DENND1A: variants seen among roughly 807,000 people sequenced by gnomAD.
DENND1A encodes DENN domain-containing protein 1A.
In DENND1A, 51 loss-of-function variants were observed where a neutral mutation model predicts 113.7. The observed-to-expected ratio is 0.45, with a 90% CI of 0.36 to 0.57. The LOEUF (loss-of-function observed/expected upper bound fraction) is 0.57. Ranked by LOEUF, DENND1A falls within the 20% of genes least tolerant of loss-of-function variation. The pLI is 0.00. For synonymous variants in DENND1A, 565 were observed against 570.8 expected, an observed-to-expected ratio of 0.99 and a Z score of 0.14; for missense variants, 1,258 against 1,395.9, an observed-to-expected ratio of 0.90 and a Z score of 1.57.
At chr9:123,836,977 A>G (rs1377742927) in intron 2 of DENND1A, among the ~76,000 whole-genome samples, 1 of 152,222 alleles carries the variant, frequency 6.6e-6, no homozygotes, top group East Asian at 1.9e-4. Context: ...TACTACGAGG[A>G]AAGTACTCTG....
chr9:123,773,659 C>CT (rs1236202079), intron 3 of DENND1A, among the ~76,000 whole-genome samples: 1 of 152,144 alleles, frequency 6.6e-6, no homozygotes, highest in Admixed American at 6.6e-5. Flanking sequence ...ATGTCAAATA[C>CT]TTTGTTTTCA....
chr9:123,897,189 G>C (rs1463967840), intron 1 of DENND1A, among the ~76,000 whole-genome samples: 1 of 152,222 alleles, frequency 6.6e-6, no homozygotes, highest in Non-Finnish European at 1.5e-5. Flanking sequence ...GAGGAACCTA[G>C]AAAGTAGAGT....
At chr9:123,740,899 T>TGAGACAGAGAGA (rs1554727813) in intron 5 of DENND1A, among the ~76,000 whole-genome samples, 1 of 108,870 alleles carries the variant, frequency 9.2e-6, no homozygotes, top group Non-Finnish European at 1.8e-5. Context: ...GAAGGGAAAG[T>TGAGACAGAGAGA]GAGAGAGAGA....
chr9:123,782,257 T>C (rs1831434562), intron 3 of DENND1A, among the ~76,000 whole-genome samples: 1 of 152,152 alleles, frequency 6.6e-6, no homozygotes, highest in African/African-American at 2.4e-5. Context: ...AAGAGTGCTC[T>C]GATAAAAAAT....
intron 2 of DENND1A, among the ~76,000 whole-genome samples, chr9:123,799,220 G>A (rs1465368862): frequency 1.3e-5 from 2 of 152,124 alleles, no homozygotes; most frequent in Admixed American, 6.6e-5. Context: ...CACTGTGACA[G>A]GCATTTTAGA....
chr9:123,663,596 G>A (rs2063350932), intron 8 of DENND1A, among the ~76,000 whole-genome samples: 1 of 151,696 alleles, frequency 6.6e-6, no homozygotes, highest in African/African-American at 2.4e-5. Context: ...CTAGAGAAAG[G>A]TTTCATCAAA....
chr9:123,637,923 A>ACACACACACG (rs2061793197), intron 9 of DENND1A, among the ~76,000 whole-genome samples: 2 of 111,040 alleles, frequency 1.8e-5, no homozygotes, highest in Non-Finnish European at 3.6e-5. Flanking sequence ...ACACACACAC[A>ACACACACACG]CACACACACG....
chr9:123,458,147 C>T (rs1391017020), intron 13 of DENND1A, among the ~76,000 whole-genome samples: 1 of 151,734 alleles, frequency 6.6e-6, no homozygotes, highest in Non-Finnish European at 1.5e-5. Flanking sequence ...ATTACAGCTG[C>T]CCCCCACCAC....
At chr9:123,650,906 C>CAAAAAA (rs76905879) in intron 9 of DENND1A, among the ~76,000 whole-genome samples, 6 of 35,666 alleles carry the variant, frequency 1.7e-4, no homozygotes, top group Admixed American at 3.2e-4. Flanking sequence ...GACTCTGTCT[C>CAAAAAA]AAAAAAAAAA....
intron 13 of DENND1A, among the ~76,000 whole-genome samples, chr9:123,513,708 T>A (rs981428822): frequency 6.6e-6 from 1 of 152,230 alleles, no homozygotes; most frequent in Non-Finnish European, 1.5e-5. Context: ...TTGCTCTTGA[T>A]GACTGACAGG....
chr9:123,749,737 G>A (rs1237642764), intron 5 of DENND1A, among the ~76,000 whole-genome samples: 2 of 152,112 alleles, frequency 1.3e-5, no homozygotes, highest in African/African-American at 4.8e-5. Flanking sequence ...CAAGATGATT[G>A]AAGAATGCGG....
At chr9:123,888,646 T>C (rs2133728923) in intron 1 of DENND1A, among the ~76,000 whole-genome samples, 1 of 152,330 alleles carries the variant, frequency 6.6e-6, no homozygotes, top group South Asian at 2.1e-4. Flanking sequence ...AGAAAATATC[T>C]GGCCTTAATC....
chr9:123,520,093 G>A (rs1431083711), intron 13 of DENND1A, among the ~76,000 whole-genome samples: 3 of 138,456 alleles, frequency 2.2e-5, no homozygotes. Context: ...TCATGAGGCT[G>A]CAGTTTTGAC....
intron 2 of DENND1A, among the ~76,000 whole-genome samples, chr9:123,800,498 C>T (rs957440660): frequency 5.9e-5 from 9 of 152,178 alleles, no homozygotes; most frequent in African/African-American, 1.9e-4. Flanking sequence ...TGGGATTCAG[C>T]CTGAATCCAT....
intron 5 of DENND1A, among the ~76,000 whole-genome samples, chr9:123,731,272 A>G (rs1422990364): frequency 6.6e-6 from 1 of 152,224 alleles, no homozygotes; most frequent in Non-Finnish European, 1.5e-5. Context: ...AAAAATTTTT[A>G]ATGAAAAACA....
At chr9:123,605,793 A>G (rs938098809) in intron 11 of DENND1A, among the ~76,000 whole-genome samples, 2 of 152,242 alleles carry the variant, frequency 1.3e-5, no homozygotes, top group African/African-American at 4.8e-5. Flanking sequence ...TTTGTGCAAC[A>G]AATTTGAGTG....
chr9:123,828,429 A>T (rs1385774894), intron 2 of DENND1A, among the ~76,000 whole-genome samples: 1 of 152,076 alleles, frequency 6.6e-6, no homozygotes, highest in Non-Finnish European at 1.5e-5. Context: ...TGTCATTGGG[A>T]GTCCCAGAAA....
At chr9:123,797,497 A>G (rs540539826) in intron 2 of DENND1A, among the ~76,000 whole-genome samples, 144 of 152,266 alleles carry the variant, frequency 9.5e-4, no homozygotes, top group Non-Finnish European at 1.5e-3. Context: ...AATCCTCAAG[A>G]AGAAAATTTT....
intron 5 of DENND1A, among the ~76,000 whole-genome samples, chr9:123,731,090 C>T (rs1330415789): frequency 6.6e-6 from 1 of 152,000 alleles, no homozygotes; most frequent in Non-Finnish European, 1.5e-5. Flanking sequence ...GAACATCACA[C>T]ACCGGGGTCT....
Sources: gnomAD v4.1 joint callset for allele counts (sites outside exome capture counted in the v4.1 genomes callset) on GRCh38, gnomAD v4.1.1 for gene constraint, MANE v1.5 for transcripts, NCBI Gene and HGNC (gene_info 2026-07-23, HGNC 2026-07-21) for gene names.